Variants in STAG1 observed in about 807,000 individuals in gnomAD.
STAG1 encodes the protein cohesin subunit SA-1.
Under a neutral mutation model 170.9 loss-of-function variants are expected in STAG1, and 26 were observed. The observed-to-expected ratio is 0.15, with a 90% CI of 0.11 to 0.21. The LOEUF (loss-of-function observed/expected upper bound fraction) is 0.21. Ranked by LOEUF, STAG1 falls within the 10% of genes least tolerant of loss-of-function variation. STAG1 has a pLI of 1.00. For missense variants in STAG1, 964 were observed against 1,509.5 expected (o/e 0.64, Z 5.99); for synonymous variants, 514 against 497.7 (o/e 1.03, Z -0.44).
At chr3:136,391,503 A>G (rs545632521) in intron 22 of STAG1, among the ~76,000 whole-genome samples, 1 of 151,998 alleles carries the variant, frequency 6.6e-6, no homozygotes, top group South Asian at 2.1e-4. Context: ...CAGCCTCCCA[A>G]GTAGCTGGGA....
chr3:136,732,296 G>A (rs1485022660), intron 1 of STAG1, among the ~76,000 whole-genome samples: 1 of 150,690 alleles, frequency 6.6e-6, no homozygotes, highest in Non-Finnish European at 1.5e-5. Context: ...CATCCCAATG[G>A]GAGGAAAAAG....
chr3:136,629,904 T>G (rs1191340893), intron 2 of STAG1, among the ~76,000 whole-genome samples: 1 of 152,106 alleles, frequency 6.6e-6, no homozygotes, highest in Non-Finnish European at 1.5e-5. Flanking sequence ...TAAGTCCCAA[T>G]TCTAAATCTG....
intron 4 of STAG1, among the ~76,000 whole-genome samples, chr3:136,572,103 T>A (rs953661300): frequency 6.6e-6 from 1 of 151,926 alleles, no homozygotes; most frequent in African/African-American, 2.4e-5. Context: ...TAATCCCAGT[T>A]ACTTAGGAGG....
intron 13 of STAG1, among the ~76,000 whole-genome samples, chr3:136,464,588 TATCA>T (rs2089398141): frequency 1.3e-5 from 2 of 152,194 alleles, no homozygotes; most frequent in South Asian, 4.1e-4. Flanking sequence ...TGTGATGAAT[TATCA>T]ATTACGTTAG....
chr3:136,657,349 C>T (rs1403687887), intron 1 of STAG1, among the ~76,000 whole-genome samples: 1 of 151,866 alleles, frequency 6.6e-6, no homozygotes, highest in East Asian at 1.9e-4. Context: ...CAGGTGCATC[C>T]CACCACGCCT....
At chr3:136,425,832 G>C (rs553773872) in intron 16 of STAG1, among the ~76,000 whole-genome samples, 42 of 151,298 alleles carry the variant, frequency 2.8e-4, no homozygotes, top group Admixed American at 9.9e-4. Flanking sequence ...CAAGAAATTA[G>C]TATGAAGGGG....
chr3:136,342,144 C>T (rs1281372571), intron 30 of STAG1, among the ~76,000 whole-genome samples: 2 of 151,544 alleles, frequency 1.3e-5, no homozygotes, highest in South Asian at 2.1e-4. Context: ...CTCAGCCTCC[C>T]GAGTAGCTGG....
intron 29 of STAG1, among the ~76,000 whole-genome samples, chr3:136,345,938 T>A (rs1275996546): frequency 1.3e-5 from 2 of 152,208 alleles, no homozygotes; most frequent in Non-Finnish European, 2.9e-5. Flanking sequence ...TTTCATCATC[T>A]TCTATTCATA....
intron 9 of STAG1, among the ~76,000 whole-genome samples, chr3:136,492,174 G>A (rs1351587046): frequency 3.9e-5 from 6 of 152,162 alleles, no homozygotes; most frequent in African/African-American, 1.4e-4. Flanking sequence ...GGAAATTAAT[G>A]ATTAGTATCC....
intron 16 of STAG1, among the ~76,000 whole-genome samples, chr3:136,426,959 C>T (rs553892197): frequency 6.6e-6 from 1 of 151,892 alleles, no homozygotes; most frequent in East Asian, 1.9e-4. Context: ...ACTTGTGAGG[C>T]TGAGGCAGGA....
At chr3:136,742,683 C>G (rs1356833176) in intron 1 of STAG1, among the ~76,000 whole-genome samples, 4 of 150,968 alleles carry the variant, frequency 2.6e-5, no homozygotes, top group African/African-American at 9.8e-5. Context: ...CCACTGCACT[C>G]CAGTCTGGGT....
At position 136,349,335 on chromosome 3, in the gene STAG1, C is replaced by T. The variant is rs774515592; in HGVS notation, c.3094G>A (p.Glu1032Lys). 1.2e-6 allele frequency: 2 copies of T among 1,613,792 alleles called. No individual in the cohort carries two copies. Among genetic ancestry groups the T allele is most frequent in the Admixed American group, 1.7e-5 (1 of 60,016 alleles). Residue 1032 changes from glutamate (E) to lysine (K), a missense_variant, in exon 29 of 34, where the codon GAG (glutamate) becomes AAG (lysine). Glu to Lys is a moderately conservative substitution (Grantham distance 56, BLOSUM62 1). Coordinates refer to ENST00000383202, the MANE Select transcript of STAG1 (RefSeq NM_005862.3). The stretch of plus-strand genomic sequence containing the variant: ...TCCTCCCTCCTTTCCATCATCTGCT[C>T]GGTAAGGAATTTCTCTAGGTATGAA... Reference protein sequence around the residue: ...VHSYLEKFLTEQMMERREDVW... With the variant: ...VHSYLEKFLTKQMMERREDVW...
intron 24 of STAG1, among the ~76,000 whole-genome samples, chr3:136,368,030 T>C (rs1040627153): frequency 6.6e-6 from 1 of 152,190 alleles, no homozygotes; most frequent in Admixed American, 6.6e-5. Flanking sequence ...AAAAAGAACT[T>C]GCTGTCAGTC....
chr3:136,369,890 C>G (rs1937229952), intron 23 of STAG1, among the ~76,000 whole-genome samples: 1 of 151,998 alleles, frequency 6.6e-6, no homozygotes, highest in South Asian at 2.1e-4. Context: ...GTAACATAAC[C>G]CTGTGGTGCA....
rs573850255 is a variant in STAG1, at chr3:136,371,735, A to G, written c.2371-2453T>C. ...TCTATATCTCTGTTTTGGTACCAGT[A>G]CCATGCTGTTTTGGTTACTGTAGCC... On this transcript the variant is annotated intron_variant, in intron 23 of 33. Transcript: ENST00000383202. 3.4e-3 allele frequency among the ~76,000 whole-genome samples: 512 copies of G among 152,232 alleles called. 5 individuals are homozygous for G. The highest frequency in any genetic ancestry group is 0.01 in the African/African-American group (426 of 41,540).
At chr3:136,361,910 CT>C (rs1435316689) in intron 26 of STAG1, among the ~76,000 whole-genome samples, 7 of 151,824 alleles carry the variant, frequency 4.6e-5, no homozygotes, top group African/African-American at 1.7e-4. Flanking sequence ...CTGTGCTTGG[CT>C]TTCATTAATT....
At chr3:136,643,243 C>T (rs1386917357) in intron 1 of STAG1, among the ~76,000 whole-genome samples, 1 of 152,186 alleles carries the variant, frequency 6.6e-6, no homozygotes, top group Non-Finnish European at 1.5e-5. Context: ...TACGAAGCAA[C>T]TCCTCTATGC....
rs190505385 is a variant in STAG1, at chr3:136,595,729, A to G, written c.297+8580T>C. Among the ~76,000 whole-genome samples the G allele has an allele frequency of 3.5e-5, 5 of 144,820 alleles. No individual in the cohort carries two copies. The East Asian group carries it at 8.0e-4, about 23-fold the overall frequency. On this transcript the variant is annotated intron_variant, in intron 4 of 33. Coordinates refer to ENST00000383202, the MANE Select transcript of STAG1 (RefSeq NM_005862.3). ...AAATAAATAAATAAATAAATAAATAAGAACTTTCTTTAGTTCCCTAATGGA... is the reference window on the plus strand; with the variant it reads ...AAATAAATAAATAAATAAATAAATAGGAACTTTCTTTAGTTCCCTAATGGA...
intron 22 of STAG1, among the ~76,000 whole-genome samples, chr3:136,384,585 C>G (rs1259596879): frequency 6.6e-6 from 1 of 151,350 alleles, no homozygotes; most frequent in Admixed American, 6.6e-5. Flanking sequence ...CCTGGCCAAA[C>G]AGGTGAAACC....
Sources: allele counts gnomAD v4.1 joint callset (sites outside exome capture counted in the v4.1 genomes callset), GRCh38; gene constraint gnomAD v4.1.1; transcripts MANE v1.5; gene names NCBI Gene and HGNC (gene_info 2026-07-23, HGNC 2026-07-21).